The following PCDHGA8 variants were observed in gnomAD, a reference collection of about 807,000 sequenced individuals.
The protein encoded by PCDHGA8 is protocadherin gamma subfamily A, 8.
A neutral mutation model predicts 59.2 loss-of-function variants in PCDHGA8; 45 were observed. The ratio of observed to expected loss-of-function variants is 0.76; its 90% CI spans 0.60 to 0.98. The LOEUF is 0.98. Among genes scored for constraint, PCDHGA8 ranks in the 50% least tolerant of loss-of-function variants. PCDHGA8 has a pLI of 0.00. For missense variants in PCDHGA8, 1,257 were observed against 1,196.2 expected (o/e 1.05, Z -0.75); for synonymous variants, 531 against 519.0 (o/e 1.02, Z -0.32).
At chr5:141,425,606 G>A (rs1419859039) in intron 1 of PCDHGA8, among the ~76,000 whole-genome samples, 1 of 152,156 alleles carries the variant, frequency 6.6e-6, no homozygotes, top group Non-Finnish European at 1.5e-5. Context: ...GCCCTATATA[G>A]CTTTCAGTGC....
At position 141,490,909 on chromosome 5, in the gene PCDHGA8, G is replaced by A. The variant is rs1170664693; in HGVS notation, c.2425-3898G>A. On this transcript the variant is annotated intron_variant, in intron 1 of 3. Coordinates refer to ENST00000398604, the MANE Select transcript of PCDHGA8 (RefSeq NM_032088.2). The surrounding 1 kb of genome is among the most constrained non-coding windows in gnomAD (Gnocchi z 5.4). ...ATCTCTGCATGTGTTTGTCCTAGAC[G>A]AGAATGATAATGCCCCAGCTGTGCT... The A allele has an allele frequency of 1.1e-5, 17 of 1,613,626 alleles. No individual in the cohort carries two copies. Among genetic ancestry groups the A allele is most frequent in the East Asian group, 4.5e-5 (2 of 44,882 alleles).
Position 141,432,731 on chromosome 5 carries a change from G to C in PCDHGA8, c.2424+37494G>C, listed in dbSNP as rs1244820860. On this transcript the variant is annotated intron_variant, in intron 1 of 3. Coordinates refer to ENST00000398604, the MANE Select transcript of PCDHGA8 (RefSeq NM_032088.2). This position sits in a 1 kb window ranked among gnomAD's most constrained non-coding sequence, Gnocchi z 6.0. ...CGGCCAGCCCCCTCTCTCCGCCACT[G>C]TCACGCTCACCGTGGCCGTGGCCGA... The C allele has an allele frequency of 6.2e-7, 1 of 1,614,068 alleles. No homozygotes were observed.
intron 1 of PCDHGA8, among the ~76,000 whole-genome samples, chr5:141,456,690 C>T (rs893478646): frequency 7.2e-5 from 11 of 152,218 alleles, no homozygotes; most frequent in Admixed American, 5.2e-4. Flanking sequence ...ACTGGCCAGG[C>T]GTGGTGGCTC....
intron 1 of PCDHGA8, chr5:141,441,337 T>A (rs980210130): frequency 6.6e-6 from 1 of 152,112 alleles, no homozygotes; most frequent in African/African-American, 2.4e-5. Flanking sequence ...CTCCAATAAT[T>A]AACTACATGC....
At chr5:141,395,620 CAAG>C (rs1298520628) in intron 1 of PCDHGA8, 1 of 189,326 alleles carries the variant, frequency 5.3e-6, no homozygotes, top group Non-Finnish European at 1.1e-5. Flanking sequence ...AGAAAATTAT[CAAG>C]AAGTCTAAAG....
At position 141,432,834 on chromosome 5, in the gene PCDHGA8, A is replaced by G; in HGVS notation, c.2424+37597A>G. 6.2e-7 allele frequency: 1 copy of G among 1,614,082 alleles called. No homozygotes were observed. The highest frequency in any genetic ancestry group is 8.5e-7 in the Non-Finnish European group (1 of 1,179,978). ...TCTGAAACCTCAGACCTCACTCTGTACCTGGTGGTAGCGGTGGCCGCGGTC... is the reference window on the plus strand; with the variant it reads ...TCTGAAACCTCAGACCTCACTCTGTGCCTGGTGGTAGCGGTGGCCGCGGTC... On this transcript the variant is annotated intron_variant, in intron 1 of 3. Transcript: ENST00000398604. This position sits in a 1 kb window ranked among gnomAD's most constrained non-coding sequence, Gnocchi z 6.0.
chr5:141,394,966 GC>G lies in PCDHGA8; in HGVS notation c.2154del (p.Trp719GlyfsTer15), dbSNP rs1294759609. 1.2e-6 allele frequency: 2 copies of G among 1,613,886 alleles called. No individual in the cohort carries two copies. Among genetic ancestry groups the G allele is most frequent in the Non-Finnish European group, 1.7e-6 (2 of 1,179,868 alleles). ...GTGCTTCTGGGGCTCAGGCTGAGGC[GC>G]TGGCACAAGTCACGCCTGCTCCAGG... Reference protein sequence around the residue: ...VAVLLGLRLRRWHKSRLLQDS... With the variant: ...VAVLLGLRLRXWHKSRLLQDS... On this transcript the variant is annotated frameshift_variant, in exon 1 of 4. Coordinates refer to ENST00000398604, the MANE Select transcript of PCDHGA8 (RefSeq NM_032088.2). LOFTEE classifies it high-confidence loss of function.
At chr5:141,500,991 C>T (rs2099804636) in intron 2 of PCDHGA8, among the ~76,000 whole-genome samples, 1 of 152,024 alleles carries the variant, frequency 6.6e-6, no homozygotes, top group South Asian at 2.1e-4. Flanking sequence ...GCCTCAGCCT[C>T]CTGAGTAGCT....
chr5:141,437,306 C>T (rs1462689998), intron 1 of PCDHGA8, among the ~76,000 whole-genome samples: 1 of 152,104 alleles, frequency 6.6e-6, no homozygotes, highest in Non-Finnish European at 1.5e-5. Flanking sequence ...CAAGTTAAAG[C>T]GTTCAGCTAT....
chr5:141,395,207 T>C lies in PCDHGA8; in HGVS notation c.2394T>C (p.His798=), dbSNP rs1589256269. Residue 798 remains histidine, a synonymous_variant, in exon 1 of 4, where the codon CAT becomes CAC. Coordinates refer to ENST00000398604, the MANE Select transcript of PCDHGA8 (RefSeq NM_032088.2). ...CTTTGTTAACATCCGTAGATTTTCA[T>C]GAATATAAGAATGAAGCTGATCATG... is the stretch of plus-strand genomic sequence containing the variant. ...NDSLLTSVDF[H]EYKNEADHGQ... is the part of the protein sequence containing the mutation. 6 of 1,613,702 alleles carry C rather than the reference T, an allele frequency of 3.7e-6. No homozygotes were observed. Among genetic ancestry groups the C allele is most frequent in the Non-Finnish European group, 5.1e-6 (6 of 1,179,706 alleles).
chr5:141,487,890 G>C lies in PCDHGA8; in HGVS notation c.2425-6917G>C. 3 of 745,430 alleles carry C rather than the reference G, an allele frequency of 4.0e-6. No homozygotes were observed. Among genetic ancestry groups the C allele is most frequent in the Non-Finnish European group, 6.5e-6 (3 of 462,522 alleles). The allele number at this position is 745,430 out of a possible 1,614,324, so 46.2% of individuals were successfully genotyped here. A position where few individuals can be genotyped will look rare whatever the true frequency, so the allele number is the denominator to read the frequency against. On this transcript the variant is annotated intron_variant, in intron 1 of 3. Coordinates refer to ENST00000398604, the MANE Select transcript of PCDHGA8 (RefSeq NM_032088.2). This position sits in a 1 kb window ranked among gnomAD's most constrained non-coding sequence, Gnocchi z 5.0. ...AAGAGCCAGGCTGTTGTGGAAGCAT[G>C]ATGATGGAATGTGGGAGCACAGGAG...
In PCDHGA8 at chr5:141,404,506, C is replaced by T. The variant is rs530963064; in HGVS notation, c.2424+9269C>T. The stretch of plus-strand genomic sequence containing the variant: ...ACACTGGTGTGCTGTATGCTCTGTG[C>T]TCCTTTGACTATGAGCAGTTTAGAG... On this transcript the variant is annotated intron_variant, in intron 1 of 3. Coordinates refer to ENST00000398604, the MANE Select transcript of PCDHGA8 (RefSeq NM_032088.2). 540 of 1,613,932 alleles carry T rather than the reference C, an allele frequency of 3.3e-4. 6 individuals are homozygous for T. In the South Asian group the frequency reaches 5.6e-3, roughly 17 times the overall value.
At position 141,463,977 on chromosome 5, in the gene PCDHGA8, T is replaced by C. The variant is rs948698340; in HGVS notation, c.2425-30830T>C. On this transcript the variant is annotated intron_variant, in intron 1 of 3. Coordinates refer to ENST00000398604, the MANE Select transcript of PCDHGA8 (RefSeq NM_032088.2). ...TTTAAAATAGCTTCATAAAACTCCA[T>C]TGTAAAAACCAGGTGCAGTGGCTCA... Among the ~76,000 whole-genome samples the C allele has an allele frequency of 2.6e-5, 4 of 152,258 alleles. 1 individual carries two copies. The highest frequency in any genetic ancestry group is 4.4e-5 in the Non-Finnish European group (3 of 68,004).
At chr5:141,400,264 C>G (rs1184804812) in intron 1 of PCDHGA8, 2 of 1,614,058 alleles carry the variant, frequency 1.2e-6, no homozygotes. Context: ...GCGCCTGCGA[C>G]GCTCCTCCAG....
Position 141,420,738 on chromosome 5 carries a change from T to C in PCDHGA8, c.2424+25501T>C, listed in dbSNP as rs550966989. 1.5e-4 allele frequency among the ~76,000 whole-genome samples: 23 copies of C among 152,358 alleles called. 1 individual carries two copies. In the South Asian group the frequency reaches 4.6e-3, roughly 30 times the overall value. ...GTTCCTTTCAGTCGGTTAAAATCAA[T>C]TGGAACCAACTACAACCTACAAGTT... On this transcript the variant is annotated intron_variant, in intron 1 of 3. Transcript: ENST00000398604.
In PCDHGA8 at chr5:141,476,651, T is replaced by C. The variant is rs1355056895; in HGVS notation, c.2425-18156T>C. On this transcript the variant is annotated intron_variant, in intron 1 of 3. Coordinates refer to ENST00000398604, the MANE Select transcript of PCDHGA8 (RefSeq NM_032088.2). This position sits in a 1 kb window ranked among gnomAD's most constrained non-coding sequence, Gnocchi z 7.6. ...AACCTATGAGCTGAGCCGAAATGAA[T>C]ACTTTGCGCTTCGCGTGCAGACGCG... is the stretch of plus-strand genomic sequence containing the variant. The C allele has an allele frequency of 3.7e-6, 6 of 1,614,118 alleles. No individual in the cohort carries two copies. Among genetic ancestry groups the C allele is most frequent in the Non-Finnish European group, 5.1e-6 (6 of 1,180,050 alleles).
chr5:141,431,460 A>T lies in PCDHGA8; in HGVS notation c.2424+36223A>T, dbSNP rs761879594. On this transcript the variant is annotated intron_variant, in intron 1 of 3. Transcript: ENST00000398604. This position sits in a 1 kb window ranked among gnomAD's most constrained non-coding sequence, Gnocchi z 4.8. The stretch of plus-strand genomic sequence containing the variant: ...GCGCGCATCCGCGTGATGGTTCTGG[A>T]TGCGAACGACAACGCACCAGCGTTT... The T allele has an allele frequency of 6.2e-7, 1 of 1,613,794 alleles. No individual in the cohort carries two copies. The highest frequency in any genetic ancestry group is 1.7e-5 in the Admixed American group (1 of 60,032).
At chr5:141,421,705 G>C (rs1249601582) in intron 1 of PCDHGA8, 1 of 1,613,944 alleles carries the variant, frequency 6.2e-7, no homozygotes, top group Non-Finnish European at 8.5e-7. Context: ...TAATGCTAGG[G>C]ATCCAGATGT....
At position 141,393,088 on chromosome 5, in the gene PCDHGA8, G is replaced by T. The variant is rs760420305; in HGVS notation, c.275G>T (p.Arg92Leu). ...GSLITAGRID[R>L]EELCAQSPRC... ...TTGATCACCGCGGGCAGGATAGATCGGGAGGAGCTCTGCGCTCAGAGCCCG... is the reference window on the plus strand; with the variant it reads ...TTGATCACCGCGGGCAGGATAGATCTGGAGGAGCTCTGCGCTCAGAGCCCG... The change falls in exon 1 of 4, where the codon CGG becomes CTG. Residue 92 changes from arginine to leucine, a missense_variant. Physicochemically the swap from Arg to Leu is moderately radical, Grantham distance 102. Transcript: ENST00000398604. 3.7e-6 allele frequency: 6 copies of T among 1,613,530 alleles called. No homozygotes were observed. In the East Asian group the frequency reaches 1.3e-4, roughly 36 times the overall value.
Sources: allele counts gnomAD v4.1 joint callset (sites outside exome capture counted in the v4.1 genomes callset), GRCh38; gene constraint gnomAD v4.1.1; non-coding constraint Gnocchi (gnomAD v3.1); transcripts MANE v1.5; gene names NCBI Gene and HGNC (gene_info 2026-07-23, HGNC 2026-07-21).